The following VPS13B variants were observed in gnomAD, a reference collection of about 807,000 sequenced individuals.
The protein encoded by VPS13B is vacuolar protein sorting 13 homolog B.
VPS13B carries 285 observed loss-of-function variants against 426.4 expected under a neutral mutation model. The ratio of observed to expected loss-of-function variants is 0.67; its 90% CI spans 0.61 to 0.74. VPS13B has a LOEUF of 0.74. Among genes scored for constraint, VPS13B ranks in the 30% least tolerant of loss-of-function variants. VPS13B has a pLI of 0.00. For missense variants in VPS13B, 4,537 were observed against 4,782.6 expected (o/e 0.95, Z 1.51); for synonymous variants, 1,676 against 1,676.4 (o/e 1.00, Z 0.01).
At position 99,871,268 on chromosome 8, in the gene VPS13B, G is replaced by A. The variant is rs1360272022; in HGVS notation, c.11496-180G>A. ...AAATCTTTGTTCCCAGGAGGAAGCA[G>A]GTTCTGTTAATCAGAATCAGTCTGA... On this transcript the variant is annotated intron_variant, in intron 60 of 61. Transcript: ENST00000357162. 4.2e-6 allele frequency: 4 copies of A among 943,926 alleles called. No homozygotes were observed. In the East Asian group the frequency reaches 9.6e-5, roughly 23 times the overall value. The allele number at this position is 943,926 out of a possible 1,614,324, so 58.5% of individuals were successfully genotyped here.
chr8:99,873,251 T>G (rs1817522216), intron 61 of VPS13B: 1 of 152,164 alleles, frequency 6.6e-6, no homozygotes, highest in African/African-American at 2.4e-5. Flanking sequence ...GATCCTTCTC[T>G]TGTATTTTTG....
intron 54 of VPS13B, among the ~76,000 whole-genome samples, chr8:99,847,258 C>G (rs1816031733): frequency 6.6e-6 from 1 of 152,168 alleles, no homozygotes; most frequent in African/African-American, 2.4e-5. Context: ...AATACAGATA[C>G]AACAAATGGA....
chr8:99,429,284 CAAAAAAA>C (rs200181502), intron 21 of VPS13B, among the ~76,000 whole-genome samples: 2 of 109,372 alleles, frequency 1.8e-5, no homozygotes, highest in Non-Finnish European at 4.1e-5. Context: ...GTATAATAAC[CAAAAAAA>C]AAAAAAAGAA....
intron 17 of VPS13B, among the ~76,000 whole-genome samples, chr8:99,260,835 T>A (rs1426646452): frequency 6.6e-6 from 1 of 152,110 alleles, no homozygotes; most frequent in Non-Finnish European, 1.5e-5. Context: ...TTCTAGTCTC[T>A]TGTACCCAGA....
intron 7 of VPS13B, among the ~76,000 whole-genome samples, chr8:99,116,484 A>G (rs1391610207): frequency 6.6e-6 from 1 of 152,184 alleles, no homozygotes; most frequent in African/African-American, 2.4e-5. Context: ...CCCAGGCTGG[A>G]GTGCAGTGGC....
At position 99,868,287 on chromosome 8, in the gene VPS13B, A is replaced by G. The variant is rs867112705; in HGVS notation, c.11216-2A>G. 2 of 1,614,116 alleles carry G rather than the reference A, an allele frequency of 1.2e-6. No homozygotes were observed. Among genetic ancestry groups the G allele is most frequent in the Non-Finnish European group, 1.7e-6 (2 of 1,180,000 alleles). On this transcript the variant is annotated splice_acceptor_variant, in intron 58 of 61. Coordinates refer to ENST00000357162, the MANE Select transcript of VPS13B (RefSeq NM_152564.5). LOFTEE classifies it high-confidence loss of function. ...CCTTACTGAGGGCTTTTGTTATTCC[A>G]GGTGCAATTGCTGGTATAGTTGATC...
rs372625091 is a variant in VPS13B, at chr8:99,136,728, A to G, written c.1627A>G (p.Thr543Ala). The change falls in exon 12 of 62, where the codon ACA (threonine) becomes GCA (alanine). Residue 543 changes from threonine to alanine, a missense_variant. Physicochemically the swap from Thr to Ala is moderately conservative, Grantham distance 58. This residue lies in a region of VPS13B where 4,311 missense variants were observed against 4,474.3 expected (regional missense o/e 0.96). Coordinates refer to ENST00000357162, the MANE Select transcript of VPS13B (RefSeq NM_152564.5). ...FGAFYMDYLY[T>A]MENTSGKGST... ...GGCTTTTTATATGGATTACCTGTATACAATGGAGAACACTAGTGGCAAAGG... is the reference window on the plus strand; with the variant it reads ...GGCTTTTTATATGGATTACCTGTATGCAATGGAGAACACTAGTGGCAAAGG... 5.6e-5 allele frequency: 90 copies of G among 1,613,536 alleles called. No homozygotes were observed. Among genetic ancestry groups the G allele is most frequent in the Non-Finnish European group, 7.1e-5 (84 of 1,179,660 alleles).
intron 30 of VPS13B, among the ~76,000 whole-genome samples, chr8:99,535,832 A>G (rs932771208): frequency 7.0e-4 from 106 of 152,318 alleles, no homozygotes; most frequent in African/African-American, 2.5e-3. Context: ...GTTATTATCA[A>G]TGTTTACATT....
chr8:99,871,011 C>G (rs1194508959), intron 60 of VPS13B, 124 bp downstream of exon 60: 19 of 954,702 alleles, frequency 2.0e-5, no homozygotes, highest in Non-Finnish European at 3.1e-5. Flanking sequence ...TTGGCACTGG[C>G]ATCTCAGGCA....
At chr8:99,474,283 G>T (rs1233067152) in intron 24 of VPS13B, among the ~76,000 whole-genome samples, 1 of 149,722 alleles carries the variant, frequency 6.7e-6, no homozygotes, top group Non-Finnish European at 1.5e-5. Context: ...CCTCCTCGCA[G>T]GTTCAAGCGA....
chr8:99,105,265 A>G (rs1007037020), intron 5 of VPS13B, among the ~76,000 whole-genome samples: 1 of 152,224 alleles, frequency 6.6e-6, no homozygotes, highest in African/African-American at 2.4e-5. Flanking sequence ...GGAAAGAAAT[A>G]TTTGATTAAA....
chr8:99,121,275 G>T lies in VPS13B; in HGVS notation c.1036G>T (p.Val346Leu). ...AGATGAGGAGCAGCCACAGGGATGG[G>T]TGTCATGGGCCTGGTCCTTTGTGCC... ...QQDEEQPQGW[V>L]SWAWSFVPAI... Residue 346 changes from valine to leucine, a missense_variant, in exon 8 of 62, where the codon GTG becomes TTG. Physicochemically the swap from Val to Leu is conservative, Grantham distance 32. Coordinates refer to ENST00000357162, the MANE Select transcript of VPS13B (RefSeq NM_152564.5). 6.2e-7 allele frequency: 1 copy of T among 1,614,130 alleles called. No individual in the cohort carries two copies. The highest frequency in any genetic ancestry group is 1.1e-5 in the South Asian group (1 of 91,076).
chr8:99,258,069 G>T (rs7832772), intron 17 of VPS13B, among the ~76,000 whole-genome samples: 106,630 of 151,070 alleles, frequency 0.71, 38,501 homozygotes, highest in Middle Eastern at 0.8. Context: ...CATATATGTG[G>T]ATAATGCTAA....
chr8:99,551,217 C>T (rs1276341625), intron 30 of VPS13B, among the ~76,000 whole-genome samples: 1 of 151,652 alleles, frequency 6.6e-6, no homozygotes, highest in African/African-American at 2.4e-5. Context: ...TTGTCTTAAC[C>T]TCCAAATGTA....
chr8:99,246,137 A>G (rs1342055393), intron 17 of VPS13B, among the ~76,000 whole-genome samples: 1 of 152,198 alleles, frequency 6.6e-6, no homozygotes, highest in Non-Finnish European at 1.5e-5. Context: ...AATGGGTTCA[A>G]GAACACAAGT....
At position 99,391,610 on chromosome 8, in the gene VPS13B, T is replaced by A. The variant is rs758840412; in HGVS notation, c.2988T>A (p.Asp996Glu). Reference sequence around the variant, plus strand: ...TGCCAGTTTGTAGAAGGAAAGAGGATGAGGTGTCTATTGGAAGTGCCCCCT... The same window carrying A: ...TGCCAGTTTGTAGAAGGAAAGAGGAAGAGGTGTCTATTGGAAGTGCCCCCT... ...LVMPVCRRKE[D>E]EVSIGSAPLA... Residue 996 changes from aspartate to glutamate, a missense_variant, in exon 21 of 62, where the codon GAT becomes GAA. Physicochemically the swap from Asp to Glu is conservative, Grantham distance 45. This residue lies in a region of VPS13B where 4,311 missense variants were observed against 4,474.3 expected (regional missense o/e 0.96). Coordinates refer to ENST00000357162, the MANE Select transcript of VPS13B (RefSeq NM_152564.5). 6 of 1,614,168 alleles carry A rather than the reference T, an allele frequency of 3.7e-6. No homozygotes were observed. In the African/African-American group the frequency reaches 4.0e-5, roughly 11 times the overall value.
At position 99,502,941 on chromosome 8, in the gene VPS13B, A is replaced by G. The variant is rs367556418; in HGVS notation, c.4148A>G (p.Tyr1383Cys). ...ATAGAGAGTTTCAATATTGATCACT[A>G]TAGAAGCAGGTAAATAATGAATAAT... ...CKIESFNIDH[Y>C]RSRPGEGWQS... is the part of the protein sequence containing the mutation. Residue 1383 changes from tyrosine to cysteine, a missense_variant, in exon 27 of 62, where the codon TAT becomes TGT. This residue lies in a region of VPS13B where 4,311 missense variants were observed against 4,474.3 expected (regional missense o/e 0.96). Transcript: ENST00000357162. The G allele has an allele frequency of 1.2e-6, 2 of 1,600,318 alleles. No homozygotes were observed. Among genetic ancestry groups the G allele is most frequent in the East Asian group, 2.2e-5 (1 of 44,720 alleles).
At chr8:99,454,559 C>T (rs537006265) in intron 23 of VPS13B, among the ~76,000 whole-genome samples, 1 of 152,216 alleles carries the variant, frequency 6.6e-6, no homozygotes, top group South Asian at 2.1e-4. Context: ...TGGTTGCTTC[C>T]AAGTGTTGGC....
chr8:99,767,032 C>A, intron 40 of VPS13B, 62 bp downstream of exon 40: 1 of 1,526,704 alleles, frequency 6.6e-7, no homozygotes, highest in Non-Finnish European at 9.0e-7. Context: ...GTCATCTTTT[C>A]CTATCTAGTG....
Sources: allele counts gnomAD v4.1 joint callset (sites outside exome capture counted in the v4.1 genomes callset), GRCh38; gene constraint gnomAD v4.1.1; regional missense constraint gnomAD v4.1.1; transcripts MANE v1.5; gene names NCBI Gene and HGNC (gene_info 2026-07-23, HGNC 2026-07-21).